ZNF407: variants seen among roughly 807,000 people sequenced by gnomAD.
ZNF407 encodes the protein zinc finger protein 407.
Under a neutral mutation model 131.2 loss-of-function variants are expected in ZNF407, and 17 were observed. The observed-to-expected ratio is 0.13, with a 90% CI of 0.09 to 0.19. The LOEUF is 0.19. Ranked by LOEUF, ZNF407 falls within the 10% of genes least tolerant of loss-of-function variation. ZNF407 has a pLI of 1.00. For synonymous variants in ZNF407, 1,156 were observed against 1,062.0 expected (o/e 1.09, Z -1.72); for missense variants, 2,681 against 2,830.6 (o/e 0.95, Z 1.20).
intron 8 of ZNF407, among the ~76,000 whole-genome samples, chr18:74,987,548 C>T (rs2959163): frequency 0.21 from 31,300 of 152,016 alleles, 3,673 homozygotes; most frequent in Admixed American, 0.3. Context: ...GAGAATGTCT[C>T]CTTTCAGTGA....
intron 4 of ZNF407, among the ~76,000 whole-genome samples, chr18:74,781,868 A>G (rs777316120): frequency 6.6e-6 from 1 of 152,204 alleles, no homozygotes; most frequent in Non-Finnish European, 1.5e-5. Context: ...AGGTTTTAAA[A>G]TAACAGTTTT....
intron 8 of ZNF407, among the ~76,000 whole-genome samples, chr18:75,010,804 G>A (rs1242164456): frequency 6.6e-6 from 1 of 152,072 alleles, no homozygotes; most frequent in Non-Finnish European, 1.5e-5. Context: ...TCCTACTTGT[G>A]GATCTATGTA....
At chr18:74,741,588 A>G (rs1041617064) in intron 3 of ZNF407, among the ~76,000 whole-genome samples, 11 of 152,184 alleles carry the variant, frequency 7.2e-5, no homozygotes, top group African/African-American at 2.7e-4. Context: ...AAAAAGAATA[A>G]TTGTAAAAAC....
chr18:74,607,534 C>T (rs1982863570), intron 1 of ZNF407, among the ~76,000 whole-genome samples: 1 of 151,542 alleles, frequency 6.6e-6, no homozygotes, highest in African/African-American at 2.4e-5. Flanking sequence ...CATTTTCAGT[C>T]GTAAATTTGG....
chr18:74,992,347 T>C (rs1972728529), intron 8 of ZNF407, among the ~76,000 whole-genome samples: 4 of 152,152 alleles, frequency 2.6e-5, no homozygotes, highest in African/African-American at 7.2e-5. Context: ...AGACAGGCAG[T>C]TACCATAGTC....
intron 3 of ZNF407, among the ~76,000 whole-genome samples, chr18:74,720,633 G>A (rs1470227505): frequency 6.6e-6 from 1 of 152,060 alleles, no homozygotes; most frequent in Non-Finnish European, 1.5e-5. Flanking sequence ...ATGATTTTGG[G>A]TTTTACATTT....
At chr18:74,956,624 C>T (rs1329309553) in intron 8 of ZNF407, among the ~76,000 whole-genome samples, 2 of 151,920 alleles carry the variant, frequency 1.3e-5, no homozygotes, top group Non-Finnish European at 2.9e-5. Flanking sequence ...CAGTGGGTGT[C>T]GTGATGTGAT....
At chr18:74,767,074 G>A (rs1376359929) in intron 3 of ZNF407, among the ~76,000 whole-genome samples, 2 of 151,950 alleles carry the variant, frequency 1.3e-5, no homozygotes, top group East Asian at 3.9e-4. Flanking sequence ...ATCATGCCTG[G>A]CTAATTTTTG....
In ZNF407 at chr18:74,929,930, CAG is replaced by C. The variant is rs776862850; in HGVS notation, c.5428+9243_5428+9244del. Among the ~76,000 whole-genome samples the C allele has an allele frequency of 2.0e-5, 3 of 152,326 alleles. No homozygotes were observed. The South Asian group carries it at 6.2e-4, about 32-fold the overall frequency. ...TACAGAAAAGTTTGCAGAAATAGTA[CAG>C]AGAGTTCCATATATCCTTCACCCAA... On this transcript the variant is annotated intron_variant, in intron 8 of 8. Transcript: ENST00000299687.
intron 8 of ZNF407, among the ~76,000 whole-genome samples, chr18:75,001,227 A>G: frequency 6.6e-6 from 1 of 152,212 alleles, no homozygotes; most frequent in Non-Finnish European, 1.5e-5. Flanking sequence ...TAACAATAGG[A>G]GTTCAACACA....
chr18:74,930,760 T>C (rs1205699997), intron 8 of ZNF407, among the ~76,000 whole-genome samples: 1 of 152,204 alleles, frequency 6.6e-6, no homozygotes, highest in Admixed American at 6.5e-5. Flanking sequence ...GTGCCCTGTG[T>C]GCACCCCCAT....
intron 8 of ZNF407, among the ~76,000 whole-genome samples, chr18:74,983,589 G>T (rs1021872437): frequency 6.6e-5 from 10 of 152,150 alleles, no homozygotes; most frequent in African/African-American, 2.2e-4. Flanking sequence ...TGAAGAATAT[G>T]ACTTCTATAC....
At chr18:74,817,360 TC>T (rs1970281198) in intron 4 of ZNF407, among the ~76,000 whole-genome samples, 1 of 152,228 alleles carries the variant, frequency 6.6e-6, no homozygotes. Flanking sequence ...CTATCATAGT[TC>T]CTCTTGCTGA....
chr18:74,676,548 T>C (rs1039055139), intron 3 of ZNF407, among the ~76,000 whole-genome samples: 61 of 151,708 alleles, frequency 4.0e-4, no homozygotes, highest in Non-Finnish European at 1.5e-4. Context: ...GCCATTCTCC[T>C]GCCTCAACCT....
intron 8 of ZNF407, among the ~76,000 whole-genome samples, chr18:75,046,572 C>T (rs1030936215): frequency 6.6e-6 from 1 of 152,144 alleles, no homozygotes; most frequent in Admixed American, 6.5e-5. Flanking sequence ...GTTAGAAAGT[C>T]GAGTCAGTAC....
At chr18:74,741,220 A>C (rs1968540551) in intron 3 of ZNF407, among the ~76,000 whole-genome samples, 1 of 152,144 alleles carries the variant, frequency 6.6e-6, no homozygotes, top group Admixed American at 6.5e-5. Flanking sequence ...TCAGGTCGGG[A>C]GCATTTTGTA....
chr18:74,827,032 C>T (rs1279786727), intron 4 of ZNF407, among the ~76,000 whole-genome samples: 2 of 152,230 alleles, frequency 1.3e-5, no homozygotes, highest in Non-Finnish European at 2.9e-5. Flanking sequence ...GCAAAAGGAT[C>T]CAAGACCAGT....
chr18:74,771,765 T>C (rs1386368034), intron 3 of ZNF407, among the ~76,000 whole-genome samples: 1 of 152,140 alleles, frequency 6.6e-6, no homozygotes, highest in Non-Finnish European at 1.5e-5. Context: ...TATTTTTGTC[T>C]GACTTGTTTC....
chr18:74,905,689 T>A (rs1008353110), intron 7 of ZNF407: 6 of 152,246 alleles, frequency 3.9e-5, no homozygotes, highest in Non-Finnish European at 8.8e-5. Context: ...GTGCATCAAT[T>A]TGTCCTAAGA....
Sources: gnomAD v4.1 joint callset for allele counts (sites outside exome capture counted in the v4.1 genomes callset) on GRCh38, gnomAD v4.1.1 for gene constraint, MANE v1.5 for transcripts, NCBI Gene and HGNC (gene_info 2026-07-23, HGNC 2026-07-21) for gene names.